Variants in ATG7 observed in about 807,000 individuals in gnomAD.
The protein encoded by ATG7 is autophagy related 7, also known as ubiquitin-like modifier-activating enzyme ATG7.
ATG7 carries 70 observed loss-of-function variants against 82.4 expected under a neutral mutation model. That is an observed-to-expected ratio of 0.85 (90% CI 0.70 to 1.04). The LOEUF is 1.04. Among genes scored for constraint, ATG7 ranks in the 50% least tolerant of loss-of-function variants. ATG7 has a pLI of 0.00. For missense variants in ATG7, 792 were observed against 864.3 expected (o/e 0.92, Z 1.05); for synonymous variants, 287 against 313.0 (o/e 0.92, Z 0.88).
intron 11 of ATG7, among the ~76,000 whole-genome samples, chr3:11,339,016 G>C (rs1042426344): frequency 3.9e-5 from 6 of 152,134 alleles, no homozygotes; most frequent in African/African-American, 1.2e-4. Context: ...CAGTGTACAG[G>C]CCGGGCGTGG....
At chr3:11,469,860 T>G (rs972872806) in intron 20 of ATG7, among the ~76,000 whole-genome samples, 1 of 151,678 alleles carries the variant, frequency 6.6e-6, no homozygotes, top group Non-Finnish European at 1.5e-5. Context: ...CATGGTGGCA[T>G]GTACCTGTAA....
chr3:11,374,835 C>T (rs371395015), intron 18 of ATG7, among the ~76,000 whole-genome samples: 3 of 138,310 alleles, frequency 2.2e-5, no homozygotes, highest in East Asian at 4.2e-4. Flanking sequence ...ACCCAGGAGG[C>T]GGAGCTTGCA....
chr3:11,364,990 C>T (rs376371145), intron 18 of ATG7, among the ~76,000 whole-genome samples: 2 of 152,058 alleles, frequency 1.3e-5, no homozygotes, highest in Non-Finnish European at 2.9e-5. Flanking sequence ...CCTCATAATG[C>T]AATAGGAACA....
At chr3:11,337,488 CTA>C (rs542151066) in intron 11 of ATG7, among the ~76,000 whole-genome samples, 44 of 141,114 alleles carry the variant, frequency 3.1e-4, no homozygotes, top group African/African-American at 3.0e-4. Flanking sequence ...CTCTCTCTCT[CTA>C]TATATATATA....
Position 11,511,582 on chromosome 3 carries a change from C to T in ATG7, c.2080-43229C>T, listed in dbSNP as rs192971476. On this transcript the variant is annotated intron_variant, in intron 20 of 20. Coordinates refer to ENST00000693202, the MANE Select transcript of ATG7 (RefSeq NM_001349232.2). ...TGCAGGTGGAGCTGCCTGCCAGTCC[C>T]GTACTGTGCGCTCACACTCCTCAGC... 5.1e-4 allele frequency among the ~76,000 whole-genome samples: 78 copies of T among 152,288 alleles called. 1 individual carries two copies. The East Asian group carries it at 0.013, about 25-fold the overall frequency.
At chr3:11,355,289 C>T (rs978973148) in intron 14 of ATG7, among the ~76,000 whole-genome samples, 3 of 152,134 alleles carry the variant, frequency 2.0e-5, no homozygotes, top group Non-Finnish European at 2.9e-5. Context: ...AGAATGGCCC[C>T]TATAAAGTTT....
chr3:11,569,153 T>C, the ATG7 span, among the ~76,000 whole-genome samples: 62 of 152,198 alleles, frequency 4.1e-4, no homozygotes, highest in African/African-American at 1.4e-3. Context: ...TATTTGATAC[T>C]CATTAAAATG....
chr3:11,480,094 AT>A (rs796687332), intron 20 of ATG7, among the ~76,000 whole-genome samples: 7 of 149,410 alleles, frequency 4.7e-5, no homozygotes, highest in African/African-American at 7.4e-5. Flanking sequence ...TGCTCAGCTA[AT>A]TTTTTTTTTG....
chr3:11,514,840 G>GTTT (rs751529129), intron 20 of ATG7, among the ~76,000 whole-genome samples: 6 of 139,910 alleles, frequency 4.3e-5, no homozygotes, highest in Middle Eastern at 3.8e-3. Context: ...TCTGGTCTAG[G>GTTT]TTTTTTTTTT....
At position 11,372,035 on chromosome 3, in the gene ATG7, G is replaced by T. The variant is rs150982961; in HGVS notation, c.1875+7301G>T. Among the ~76,000 whole-genome samples, 2 of 151,548 alleles carry T rather than the reference G, an allele frequency of 1.3e-5. 1 individual carries two copies. Among genetic ancestry groups the T allele is most frequent in the African/African-American group, 4.9e-5 (2 of 41,188 alleles). ...TTCTGATGCTTTTTGCATGCTGTCT[G>T]CCGTGTTTTCATTCCCCACGGTGAG... On this transcript the variant is annotated intron_variant, in intron 18 of 20. Coordinates refer to ENST00000693202, the MANE Select transcript of ATG7 (RefSeq NM_001349232.2).
intron 20 of ATG7, among the ~76,000 whole-genome samples, chr3:11,445,632 T>C (rs1158523865): frequency 1.3e-5 from 2 of 152,194 alleles, no homozygotes; most frequent in African/African-American, 2.4e-5. Context: ...CCCCATGTCA[T>C]GGGTTTACCT....
At position 11,554,974 on chromosome 3, in the gene ATG7, C is replaced by G; in HGVS notation, c.*131C>G. 1 of 1,185,124 alleles carries G rather than the reference C, an allele frequency of 8.4e-7. No individual in the cohort carries two copies. Among genetic ancestry groups the G allele is most frequent in the Non-Finnish European group, 1.2e-6 (1 of 859,988 alleles). The allele number at this position is 1,185,124 out of a possible 1,614,324, so 73.4% of individuals were successfully genotyped here. ...TCCATACCCCGAGGTCTGGGATTCC[C>G]CCCTCTGCTGCCCAGGAGTGGCCAG... On this transcript the variant is annotated 3_prime_UTR_variant, in exon 21 of 21. Transcript: ENST00000693202.
At chr3:11,526,806 C>T (rs2092588274) in intron 20 of ATG7, among the ~76,000 whole-genome samples, 1 of 151,958 alleles carries the variant, frequency 6.6e-6, no homozygotes, top group Admixed American at 6.6e-5. Context: ...GAAATTGTTC[C>T]TGACTTTGTT....
At chr3:11,299,023 A>G in intron 4 of ATG7, 168 bp downstream of exon 4, 2 of 760,358 alleles carry the variant, frequency 2.6e-6, no homozygotes, top group Non-Finnish European at 2.0e-6. Flanking sequence ...ATTTTCATTT[A>G]TTTTCTCTTG....
chr3:11,303,622 C>T (rs994600439), intron 5 of ATG7, among the ~76,000 whole-genome samples: 21 of 151,104 alleles, frequency 1.4e-4, no homozygotes, highest in African/African-American at 5.1e-4. Context: ...GAGCCGAGAT[C>T]CTGCCACTGC....
At chr3:11,495,101 A>G (rs944637950) in intron 20 of ATG7, among the ~76,000 whole-genome samples, 1 of 151,934 alleles carries the variant, frequency 6.6e-6, no homozygotes, top group South Asian at 2.1e-4. Flanking sequence ...GCTTGAACAG[A>G]TGTTCTCTAA....
intron 20 of ATG7, among the ~76,000 whole-genome samples, chr3:11,466,956 C>G (rs545463428): frequency 3.0e-4 from 45 of 152,178 alleles, no homozygotes; most frequent in African/African-American, 1.0e-3. Flanking sequence ...ATGGTGAAAC[C>G]CCATCTCTAC....
intron 20 of ATG7, among the ~76,000 whole-genome samples, chr3:11,460,711 C>T (rs772665665): frequency 2.6e-5 from 4 of 152,168 alleles, no homozygotes; most frequent in African/African-American, 9.7e-5. Flanking sequence ...AATTTCATCC[C>T]AGTCAAGGAC....
At chr3:11,310,766 G>A (rs575817335) in intron 7 of ATG7, among the ~76,000 whole-genome samples, 9 of 151,928 alleles carry the variant, frequency 5.9e-5, no homozygotes, top group African/African-American at 1.7e-4. Context: ...CTGAGTAGCC[G>A]GGACTACAGG....
Sources: allele counts gnomAD v4.1 joint callset (sites outside exome capture counted in the v4.1 genomes callset), GRCh38; gene constraint gnomAD v4.1.1; transcripts MANE v1.5; gene names NCBI Gene and HGNC (gene_info 2026-07-23, HGNC 2026-07-21).